ZPBP: variants seen among roughly 807,000 people sequenced by gnomAD.
ZPBP encodes zona pellucida-binding protein 1.
Under a neutral mutation model 44.8 loss-of-function variants are expected in ZPBP, and 26 were observed. That is an observed-to-expected ratio of 0.58 (90% CI 0.43 to 0.81). The LOEUF is 0.81. ZPBP is among the 30% of genes least tolerant of loss of function. The pLI, the probability that ZPBP is intolerant of heterozygous loss-of-function variation, is 0.00. For synonymous variants in ZPBP, 174 were observed against 153.2 expected (o/e 1.14, Z -1.00); for missense variants, 409 against 434.0 (o/e 0.94, Z 0.51).
At chr7:49,974,549 C>A (rs1476569267) in intron 7 of ZPBP, among the ~76,000 whole-genome samples, 1 of 151,848 alleles carries the variant, frequency 6.6e-6, no homozygotes. Context: ...ATACAATATT[C>A]ATAAATCCAT....
intron 3 of ZPBP, among the ~76,000 whole-genome samples, chr7:50,073,644 T>C (rs1801950144): frequency 1.3e-5 from 2 of 151,938 alleles, no homozygotes; most frequent in Admixed American, 1.3e-4. Context: ...AAAGAATGGA[T>C]CCAAAAAGCA....
In ZPBP at chr7:49,969,760, A is replaced by T. The variant is rs546522232; in HGVS notation, c.961+13582T>A. ...GAATCTAGTTGGGTTTATTTCAGAG[A>T]TGCAAATTTGGTTTAAGAGTAAAAA... On this transcript the variant is annotated intron_variant, in intron 7 of 7. Coordinates refer to ENST00000046087, the MANE Select transcript of ZPBP (RefSeq NM_007009.3). Among the ~76,000 whole-genome samples the T allele has an allele frequency of 9.9e-5, 15 of 151,684 alleles. No homozygotes were observed. In the South Asian group the frequency reaches 3.1e-3, roughly 32 times the overall value.
intron 4 of ZPBP, among the ~76,000 whole-genome samples, chr7:50,050,106 C>A (rs528229623): frequency 6.6e-6 from 1 of 151,804 alleles, no homozygotes; most frequent in African/African-American, 2.4e-5. Context: ...AATCAAAGAC[C>A]TAATTAAATG....
chr7:49,922,685 T>G (rs1319748780), intron 1 of ZPBP, among the ~76,000 whole-genome samples: 1 of 152,102 alleles, frequency 6.6e-6, no homozygotes, highest in Non-Finnish European at 1.5e-5. Context: ...ATGGAAAAAA[T>G]GGAGCAAAAT....
intron 5 of ZPBP, among the ~76,000 whole-genome samples, chr7:50,023,602 C>A (rs1387573716): frequency 6.6e-6 from 1 of 151,914 alleles, no homozygotes; most frequent in African/African-American, 2.4e-5. Flanking sequence ...TACACACACA[C>A]AAAAATGGAA....
intron 2 of ZPBP, among the ~76,000 whole-genome samples, chr7:49,857,219 T>G (rs1304754725): frequency 2.0e-5 from 3 of 152,136 alleles, no homozygotes; most frequent in African/African-American, 7.2e-5. Context: ...ACCACCATTC[T>G]GGTTCAGCTC....
chr7:49,875,756 C>T (rs1791390476), intron 2 of ZPBP, among the ~76,000 whole-genome samples: 1 of 152,046 alleles, frequency 6.6e-6, no homozygotes, highest in Middle Eastern at 3.2e-3. Context: ...TATATTTAGC[C>T]CTTAAAACAA....
chr7:49,904,077 A>G lies in ZPBP; in HGVS notation n.412-2862T>C, dbSNP rs372250497. Among the ~76,000 whole-genome samples the G allele has an allele frequency of 3.6e-4, 55 of 152,122 alleles. No homozygotes were observed. In the South Asian group the frequency reaches 4.6e-3, roughly 13 times the overall value. Reference sequence around the variant, plus strand: ...ATCTTATCTGCTCCTTACTATACACATGGCTGGCAGAGAAGGGAAGATGGA... The same window carrying G: ...ATCTTATCTGCTCCTTACTATACACGTGGCTGGCAGAGAAGGGAAGATGGA... On this transcript the variant is annotated intron_variant and non_coding_transcript_variant, in intron 1 of 2. Transcript: ENST00000465922.
intron 6 of ZPBP, among the ~76,000 whole-genome samples, chr7:49,997,259 C>T (rs1193784021): frequency 6.6e-6 from 1 of 152,160 alleles, no homozygotes; most frequent in Non-Finnish European, 1.5e-5. Flanking sequence ...CATATTTTGA[C>T]CCATGTTTCA....
chr7:49,989,104 C>G (rs1401395343), intron 6 of ZPBP, among the ~76,000 whole-genome samples: 1 of 152,118 alleles, frequency 6.6e-6, no homozygotes, highest in Non-Finnish European at 1.5e-5. Flanking sequence ...AATAAGGATC[C>G]ATTTTCTTTT....
chr7:50,065,367 A>C (rs1158968416), intron 3 of ZPBP, among the ~76,000 whole-genome samples: 1 of 150,910 alleles, frequency 6.6e-6, no homozygotes, highest in Non-Finnish European at 1.5e-5. Flanking sequence ...CTTAGAGTAG[A>C]GAATCAAGAG....
At chr7:49,910,809 C>T (rs1793368306) in intron 1 of ZPBP, among the ~76,000 whole-genome samples, 1 of 152,142 alleles carries the variant, frequency 6.6e-6, no homozygotes, top group Non-Finnish European at 1.5e-5. Flanking sequence ...TAAGATGGTG[C>T]TTCTCAAAGT....
intron 6 of ZPBP, among the ~76,000 whole-genome samples, chr7:49,986,476 T>C (rs1266180219): frequency 6.6e-6 from 1 of 152,188 alleles, no homozygotes; most frequent in African/African-American, 2.4e-5. Flanking sequence ...GCCACGTGTG[T>C]ATCCACAGTG....
chr7:50,088,915 G>T (rs1415899334), intron 2 of ZPBP, among the ~76,000 whole-genome samples: 10 of 150,086 alleles, frequency 6.7e-5, no homozygotes, highest in African/African-American at 1.7e-4. Context: ...ACCCTAAAAA[G>T]GAATGAAGTA....
chr7:50,013,550 G>A (rs768356743), intron 6 of ZPBP, among the ~76,000 whole-genome samples: 5 of 151,850 alleles, frequency 3.3e-5, no homozygotes, highest in Admixed American at 1.3e-4. Flanking sequence ...ATAAGACAAT[G>A]GCATTTCTCC....
Position 50,018,336 on chromosome 7 carries a change from T to A in ZPBP, c.707-20A>T, listed in dbSNP as rs1316386604. On this transcript the variant is annotated intron_variant, in intron 5 of 7. Coordinates refer to ENST00000046087, the MANE Select transcript of ZPBP (RefSeq NM_007009.3). ...ATGAAACTGAGAAAATATATTATAT[T>A]TTATCATGGGTATAATGTATTCTGT... The A allele has an allele frequency of 6.6e-7, 1 of 1,522,026 alleles. No homozygotes were observed. Among genetic ancestry groups the A allele is most frequent in the African/African-American group, 1.4e-5 (1 of 72,812 alleles). The allele number at this position is 1,522,026 out of a possible 1,614,324, so 94.3% of individuals were successfully genotyped here.
chr7:50,004,469 A>G (rs1193974642), intron 6 of ZPBP, among the ~76,000 whole-genome samples: 1 of 152,048 alleles, frequency 6.6e-6, no homozygotes, highest in East Asian at 1.9e-4. Context: ...CCAGCTTGCA[A>G]AGAGCCTTCC....
intron 5 of ZPBP, among the ~76,000 whole-genome samples, chr7:50,023,876 G>A (rs1454841235): frequency 2.0e-5 from 3 of 152,006 alleles, no homozygotes; most frequent in Admixed American, 6.6e-5. Context: ...CCTTTGATGA[G>A]CCCATCAGTG....
At chr7:49,897,679 C>T (rs1208941859) in intron 2 of ZPBP, among the ~76,000 whole-genome samples, 1 of 152,226 alleles carries the variant, frequency 6.6e-6, no homozygotes, top group African/African-American at 2.4e-5. Context: ...AAAATCACAA[C>T]TTACCTGAGC....
Sources: allele counts gnomAD v4.1 joint callset (sites outside exome capture counted in the v4.1 genomes callset), GRCh38; gene constraint gnomAD v4.1.1; transcripts MANE v1.5; gene names NCBI Gene and HGNC (gene_info 2026-07-23, HGNC 2026-07-21).